Variants in SRCIN1 observed in about 807,000 individuals in gnomAD.
SRCIN1 encodes the protein P130Cas-associated protein.
Under a neutral mutation model 116.2 loss-of-function variants are expected in SRCIN1, and 50 were observed. The ratio of observed to expected loss-of-function variants is 0.43; its 90% CI spans 0.34 to 0.54. The LOEUF (loss-of-function observed/expected upper bound fraction) is 0.54, where lower values mean the gene tolerates loss of function less well. SRCIN1 is among the 20% of genes least tolerant of loss of function. SRCIN1 has a pLI of 0.02. For missense variants in SRCIN1, 1,446 were observed against 1,672.0 expected (o/e 0.86, Z 2.36); for synonymous variants, 736 against 750.0 (o/e 0.98, Z 0.30).
At chr17:38,600,071 C>G (rs545356276) in intron 1 of SRCIN1, among the ~76,000 whole-genome samples, 1 of 152,194 alleles carries the variant, frequency 6.6e-6, no homozygotes, top group African/African-American at 2.4e-5. Flanking sequence ...CTTCACAATT[C>G]CAGGATCAGA....
At chr17:38,577,509 C>A (rs1907492460) in intron 2 of SRCIN1, among the ~76,000 whole-genome samples, 1 of 152,150 alleles carries the variant, frequency 6.6e-6, no homozygotes, top group Non-Finnish European at 1.5e-5. Context: ...CTCCCCATCC[C>A]CAGCTACATC....
In SRCIN1 at chr17:38,559,668, G is replaced by T; in HGVS notation, c.1942C>A (p.Leu648Met). The T allele has an allele frequency of 6.2e-7, 1 of 1,601,490 alleles. No homozygotes were observed. The change falls in exon 10 of 19, where the codon CTG becomes ATG. Residue 648 changes from leucine to methionine, a missense_variant. By Grantham distance (15) the Leu-to-Met change is conservative. Transcript: ENST00000617146. ...CCTCGCAGGTGAAGCTGCATCTGCA[G>T]CCGGCTAACGGCGGTAGGCTGACCT... ...PAGQPTAVSR[L>M]QMQLHLRGLQ... is the part of the protein sequence containing the mutation.
At chr17:38,574,946 C>A in intron 2 of SRCIN1, 1 of 401,214 alleles carries the variant, frequency 2.5e-6, no homozygotes, top group South Asian at 1.3e-4. Context: ...GCTGAGGAGG[C>A]ATACGGGGTC....
At chr17:38,573,954 A>G (rs939106463) in intron 2 of SRCIN1, among the ~76,000 whole-genome samples, 2 of 152,154 alleles carry the variant, frequency 1.3e-5, no homozygotes, top group African/African-American at 4.8e-5. Flanking sequence ...CTTGAGTTAC[A>G]CTCGGCTAAA....
chr17:38,552,414 C>T lies in SRCIN1; in HGVS notation c.2480+33G>A, dbSNP rs1157940944. The stretch of plus-strand genomic sequence containing the variant: ...ATGGGTCTGGGCCCGGTGTGTGAAC[C>T]CATGGGAAATCAGAGGTCAGGGACA... On this transcript the variant is annotated intron_variant, in intron 13 of 18. Coordinates refer to ENST00000617146, the MANE Select transcript of SRCIN1 (RefSeq NM_025248.3). This position sits in a 1 kb window ranked among gnomAD's most constrained non-coding sequence, Gnocchi z 5.3. 1 of 1,584,354 alleles carries T rather than the reference C, an allele frequency of 6.3e-7. No homozygotes were observed. Among genetic ancestry groups the T allele is most frequent in the South Asian group, 1.1e-5 (1 of 87,298 alleles).
At chr17:38,548,759 A>G (rs886835143) in intron 16 of SRCIN1, 50 bp from the exon 17 acceptor site, 4 of 1,505,098 alleles carry the variant, frequency 2.7e-6, no homozygotes, top group Admixed American at 2.2e-5. Flanking sequence ...CCACTTCAGC[A>G]CCAGCTCACC....
At chr17:38,553,409 C>T (rs1905575163) in intron 11 of SRCIN1, among the ~76,000 whole-genome samples, 2 of 152,230 alleles carry the variant, frequency 1.3e-5, no homozygotes, top group African/African-American at 4.8e-5. Context: ...TCAGCAATAT[C>T]TGCCCGAGTA....
intron 18 of SRCIN1, among the ~76,000 whole-genome samples, 175 bp from the exon 19 acceptor site, chr17:38,533,606 G>T (rs1597873197): frequency 6.8e-6 from 1 of 146,922 alleles, no homozygotes; most frequent in East Asian, 2.1e-4. Flanking sequence ...GGAGGGGTGG[G>T]GGCAGAAAAG....
chr17:38,578,922 G>T, intron 1 of SRCIN1, 131 bp from the exon 2 acceptor site: 1 of 1,086,432 alleles, frequency 9.2e-7, no homozygotes, highest in Non-Finnish European at 1.3e-6. Context: ...CCGGGGAGAG[G>T]CAGGGGCTGC....
rs998484204 is a variant in SRCIN1 at position 38,578,690 on chromosome 17, G to C, written c.124C>G (p.Arg42Gly). Residue 42 changes from arginine to glycine, a missense_variant, in exon 2 of 19, where the codon CGG becomes GGG. Arg to Gly is a moderately radical substitution (Grantham distance 125). Around this residue, in one of 5 missense-constraint regions of SRCIN1, gnomAD observed 246 missense variants for 265.1 expected, o/e 0.93. Transcript: ENST00000617146. ...ACCAGCCCCACGTTGGAGAAGCGCCGGCCCCCGCTGCCCCCGCCGCCCCCG... is the reference window on the plus strand; with the variant it reads ...ACCAGCCCCACGTTGGAGAAGCGCCCGCCCCCGCTGCCCCCGCCGCCCCCG... Reference protein sequence around the residue: ...GGGGGGGSGGRRFSNVGLVHT... With the variant: ...GGGGGGGSGGGRFSNVGLVHT... 5 of 1,541,204 alleles carry C rather than the reference G, an allele frequency of 3.2e-6. No individual in the cohort carries two copies. The highest frequency in any genetic ancestry group is 4.4e-6 in the Non-Finnish European group (5 of 1,145,712).
chr17:38,560,170 G>C, intron 8 of SRCIN1, 73 bp from the exon 9 acceptor site: 1 of 1,430,830 alleles, frequency 7.0e-7, no homozygotes, highest in South Asian at 1.4e-5. Context: ...TGGAACCTTG[G>C]ATGTCATCTC....
chr17:38,566,509 G>A (rs1007719322), intron 3 of SRCIN1, among the ~76,000 whole-genome samples: 1 of 152,210 alleles, frequency 6.6e-6, no homozygotes, highest in Non-Finnish European at 1.5e-5. Context: ...CCCAAGACAG[G>A]AGAGGGACCA....
intron 1 of SRCIN1, among the ~76,000 whole-genome samples, chr17:38,601,642 ACACACACACACGCTCGCGCG>A (rs956301899): frequency 1.6e-5 from 2 of 124,160 alleles, no homozygotes; most frequent in Admixed American, 8.3e-5. Flanking sequence ...ACACACGCAC[ACACACACACACGCTCGCGCG>A]CACACACACA....
intron 18 of SRCIN1, among the ~76,000 whole-genome samples, chr17:38,539,686 C>T (rs139110773): frequency 5.3e-4 from 81 of 152,230 alleles, no homozygotes; most frequent in South Asian, 3.5e-3. Flanking sequence ...ATGGGTACCT[C>T]GGCATCCCTT....
rs1906371179 is a variant in SRCIN1, at chr17:38,562,890, G to A, written c.771C>T (p.Ile257=). The A allele has an allele frequency of 6.2e-7, 1 of 1,613,754 alleles. No homozygotes were observed. The highest frequency in any genetic ancestry group is 1.3e-5 in the African/African-American group (1 of 74,930). The change falls in exon 6 of 19, where the codon ATC becomes ATT. Residue 257 remains isoleucine, a synonymous_variant. Transcript: ENST00000617146. This position sits in a 1 kb window ranked among gnomAD's most constrained non-coding sequence, Gnocchi z 4.2. Reference sequence around the variant, plus strand: ...CAGCGTAGAGGGGCTCCTTTCTGTAGATCTTGATAATACTGCGGTCCTGGA... The same window carrying A: ...CAGCGTAGAGGGGCTCCTTTCTGTAAATCTTGATAATACTGCGGTCCTGGA... ...RDIQDRSIIK[I]YRKEPLYAAF...
intron 2 of SRCIN1, among the ~76,000 whole-genome samples, chr17:38,571,953 C>A (rs954570891): frequency 1.3e-5 from 2 of 152,164 alleles, no homozygotes; most frequent in African/African-American, 4.8e-5. Flanking sequence ...GCTGGTTTTC[C>A]CCCCCTCGGC....
In SRCIN1 at chr17:38,533,198, C is replaced by CTGGAGAG; in HGVS notation, c.*92_*98dup. ...CTTCAGGGCACACCCCTCAGGGCGTCTGGAGAGTAGGGTGGGGTGGGGTGG... is the reference window on the plus strand; with the variant it reads ...CTTCAGGGCACACCCCTCAGGGCGTCTGGAGAGTGGAGAGTAGGGTGGGGTGGGGTGG... On this transcript the variant is annotated 3_prime_UTR_variant, in exon 19 of 19. Transcript: ENST00000617146. 2 of 1,401,306 alleles carry CTGGAGAG rather than the reference C, an allele frequency of 1.4e-6. No individual in the cohort carries two copies. The allele number at this position is 1,401,306 out of a possible 1,614,324, so 86.8% of individuals were successfully genotyped here.
intron 18 of SRCIN1, among the ~76,000 whole-genome samples, chr17:38,540,037 A>G (rs1597879364): frequency 6.6e-6 from 1 of 151,838 alleles, no homozygotes; most frequent in African/African-American, 2.4e-5. Context: ...AAAAAAAAAA[A>G]AAAAAAGTAT....
chr17:38,559,642 G>T lies in SRCIN1; in HGVS notation c.1968C>A (p.Gly656=), dbSNP rs763475410. Residue 656 remains glycine (G), a synonymous_variant, in exon 10 of 19, where the codon GGC becomes GGA. Coordinates refer to ENST00000617146, the MANE Select transcript of SRCIN1 (RefSeq NM_025248.3). ...SRLQMQLHLR[G]LQNSASDLRG... ...GCAAGTCACTGGCGCTGTTCTGCAGGCCTCGCAGGTGAAGCTGCATCTGCA... is the reference window on the plus strand; with the variant it reads ...GCAAGTCACTGGCGCTGTTCTGCAGTCCTCGCAGGTGAAGCTGCATCTGCA... 1,580 of 1,603,136 alleles carry T rather than the reference G, an allele frequency of 9.9e-4. 1 individual carries two copies. Among genetic ancestry groups the T allele is most frequent in the Non-Finnish European group, 1.2e-3 (1,416 of 1,179,410 alleles).
Sources: allele counts gnomAD v4.1 joint callset (sites outside exome capture counted in the v4.1 genomes callset), GRCh38; gene constraint gnomAD v4.1.1; regional missense constraint gnomAD v4.1.1; non-coding constraint Gnocchi (gnomAD v3.1); transcripts MANE v1.5; gene names NCBI Gene and HGNC (gene_info 2026-07-23, HGNC 2026-07-21).